Variants in ADCY2 observed in about 807,000 individuals in gnomAD.
ADCY2 encodes adenylate cyclase 2.
A neutral mutation model predicts 125.2 loss-of-function variants in ADCY2; 31 were observed. The observed-to-expected ratio is 0.25, with a 90% CI of 0.19 to 0.33. The LOEUF (loss-of-function observed/expected upper bound fraction) is 0.33, where lower values mean the gene tolerates loss of function less well. Ranked by LOEUF, ADCY2 falls within the 10% of genes least tolerant of loss-of-function variation. ADCY2 has a pLI of 1.00. For missense variants in ADCY2, 904 were observed against 1,418.2 expected, an observed-to-expected ratio of 0.64 and a Z score of 5.82; for synonymous variants, 512 against 548.4, an observed-to-expected ratio of 0.93 and a Z score of 0.93.
intron 16 of ADCY2, among the ~76,000 whole-genome samples, chr5:7,764,632 A>G (rs1183477620): frequency 3.9e-5 from 6 of 152,264 alleles, no homozygotes; most frequent in African/African-American, 1.4e-4. Context: ...TGCAGTGTTC[A>G]TTAGCATTTT....
intron 16 of ADCY2, among the ~76,000 whole-genome samples, chr5:7,764,591 A>G (rs533307760): frequency 6.6e-6 from 1 of 152,250 alleles, no homozygotes; most frequent in Non-Finnish European, 1.5e-5. Context: ...ATTGCCTGAG[A>G]AATGTAAAAT....
At chr5:7,716,893 A>G (rs1478034460) in intron 11 of ADCY2, among the ~76,000 whole-genome samples, 1 of 152,196 alleles carries the variant, frequency 6.6e-6, no homozygotes, top group East Asian at 1.9e-4. Context: ...TGATAGCAGA[A>G]TAGGGTGACT....
chr5:7,504,520 A>ATT (rs1743726589), intron 2 of ADCY2, among the ~76,000 whole-genome samples: 1 of 152,178 alleles, frequency 6.6e-6, no homozygotes, highest in African/African-American at 2.4e-5. Flanking sequence ...TAGTAAAGTC[A>ATT]TTATCACCTT....
chr5:7,495,371 C>G (rs919305208), intron 2 of ADCY2, among the ~76,000 whole-genome samples: 13 of 152,290 alleles, frequency 8.5e-5, no homozygotes, highest in Admixed American at 1.3e-4. Flanking sequence ...TTGGAAGACT[C>G]TAGTCTGCTA....
intron 3 of ADCY2, among the ~76,000 whole-genome samples, chr5:7,540,039 T>C (rs990239690): frequency 1.3e-5 from 2 of 152,220 alleles, no homozygotes; most frequent in Non-Finnish European, 2.9e-5. Flanking sequence ...GCAACATGGA[T>C]GGAGCTGGAG....
chr5:7,666,988 G>A (rs1300744542), intron 4 of ADCY2, among the ~76,000 whole-genome samples: 1 of 152,226 alleles, frequency 6.6e-6, no homozygotes, highest in Admixed American at 6.5e-5. Context: ...TTGTGTTCTA[G>A]GCACCTGTTT....
At position 7,768,656 on chromosome 5, in the gene ADCY2, G is replaced by C. The variant is rs563711289; in HGVS notation, c.2214+1850G>C. On this transcript the variant is annotated intron_variant, in intron 17 of 24. Transcript: ENST00000338316. ...TTATGAATTTCATTTAGGTAAATCT[G>C]TATAATATCTTATTTGCAATCAAAG... 1.7e-3 allele frequency among the ~76,000 whole-genome samples: 262 copies of C among 152,268 alleles called. 1 individual carries two copies. The highest frequency in any genetic ancestry group is 6.0e-3 in the African/African-American group (251 of 41,538).
At chr5:7,665,796 C>CTATTTATG (rs1561154171) in intron 4 of ADCY2, among the ~76,000 whole-genome samples, 1 of 101,448 alleles carries the variant, frequency 9.9e-6, no homozygotes, top group Non-Finnish European at 2.1e-5. Flanking sequence ...TGTTCTGGGT[C>CTATTTATG]TATTTATGTT....
chr5:7,512,193 C>A (rs1165171787), intron 2 of ADCY2, among the ~76,000 whole-genome samples: 3 of 113,638 alleles, frequency 2.6e-5, no homozygotes, highest in African/African-American at 1.1e-4. Context: ...CACACTCCAG[C>A]CTGGGCAGTA....
intron 3 of ADCY2, among the ~76,000 whole-genome samples, chr5:7,528,784 A>T (rs1261895829): frequency 6.6e-6 from 1 of 152,190 alleles, no homozygotes; most frequent in Non-Finnish European, 1.5e-5. Flanking sequence ...TGCATGTTTG[A>T]TCCATTACTT....
chr5:7,705,254 G>T (rs541817275), intron 7 of ADCY2, among the ~76,000 whole-genome samples: 2 of 152,222 alleles, frequency 1.3e-5, no homozygotes, highest in African/African-American at 4.8e-5. Flanking sequence ...TTGTGCTGTT[G>T]CACTGGGCCT....
rs201365817 is a variant in ADCY2, at chr5:7,469,593, A to AT, written c.409-51137dup. Among the ~76,000 whole-genome samples, 602 of 151,516 alleles carry AT rather than the reference A, an allele frequency of 4.0e-3. 9 individuals are homozygous for AT. Among genetic ancestry groups the AT allele is most frequent in the African/African-American group, 0.014 (570 of 41,426 alleles). On this transcript the variant is annotated intron_variant, in intron 2 of 24. Coordinates refer to ENST00000338316, the MANE Select transcript of ADCY2 (RefSeq NM_020546.3). ...TATTTCTAGGAGAAAGAGCTTGCACATTTTTTTTAAGCTTTGGCTTTAGTT... is the reference window on the plus strand; with the variant it reads ...TATTTCTAGGAGAAAGAGCTTGCACATTTTTTTTTAAGCTTTGGCTTTAGTT...
intron 5 of ADCY2, among the ~76,000 whole-genome samples, chr5:7,693,340 A>G (rs555456633): frequency 1.1e-4 from 16 of 151,466 alleles, no homozygotes; most frequent in Admixed American, 1.1e-3. Flanking sequence ...ATGGTCCCAT[A>G]AGTGCACTGT....
At chr5:7,505,880 T>G (rs970618507) in intron 2 of ADCY2, among the ~76,000 whole-genome samples, 4 of 152,240 alleles carry the variant, frequency 2.6e-5, no homozygotes, top group Admixed American at 1.3e-4. Flanking sequence ...TAAATAAATT[T>G]AATGTTTCAA....
chr5:7,507,461 A>AAAAAAAAAAAAT (rs374187517), intron 2 of ADCY2, among the ~76,000 whole-genome samples: 1,789 of 113,624 alleles, frequency 0.016, 156 homozygotes, highest in Non-Finnish European at 0.027. Context: ...AAAAAAAAAA[A>AAAAAAAAAAAAT]GGTAACAAAG....
In ADCY2 at chr5:7,488,876, G is replaced by A. The variant is rs117248659; in HGVS notation, c.409-31862G>A. On this transcript the variant is annotated intron_variant, in intron 2 of 24. Coordinates refer to ENST00000338316, the MANE Select transcript of ADCY2 (RefSeq NM_020546.3). Reference sequence around the variant, plus strand: ...GTTAAGCTGCAGATCTCCTCCTCAGGCTCATTTGCGGTCCAGACCTGCCTG... The same window carrying A: ...GTTAAGCTGCAGATCTCCTCCTCAGACTCATTTGCGGTCCAGACCTGCCTG... Among the ~76,000 whole-genome samples the A allele has an allele frequency of 1.9e-3, 287 of 152,138 alleles. 2 individuals are homozygous for A. In the East Asian group the frequency reaches 0.033, roughly 18 times the overall value.
chr5:7,460,233 T>G (rs1440993003), intron 2 of ADCY2, among the ~76,000 whole-genome samples: 1 of 152,120 alleles, frequency 6.6e-6, no homozygotes, highest in Non-Finnish European at 1.5e-5. Flanking sequence ...TTCATTTAAT[T>G]AATTTATTTA....
intron 3 of ADCY2, among the ~76,000 whole-genome samples, chr5:7,617,189 C>A (rs1737794880): frequency 6.6e-6 from 1 of 152,114 alleles, no homozygotes. Flanking sequence ...GTTCAAGGCT[C>A]CTTCCTGGAA....
intron 3 of ADCY2, among the ~76,000 whole-genome samples, chr5:7,596,997 AAGTACAGCTCC>A (rs1182091295): frequency 6.6e-6 from 1 of 152,256 alleles, no homozygotes; most frequent in African/African-American, 2.4e-5. Context: ...GTGAATGAGG[AAGTACAGCTCC>A]ATGAGCCACT....
Sources: gnomAD v4.1 joint callset for allele counts (sites outside exome capture counted in the v4.1 genomes callset) on GRCh38, gnomAD v4.1.1 for gene constraint, MANE v1.5 for transcripts, NCBI Gene and HGNC (gene_info 2026-07-23, HGNC 2026-07-21) for gene names.